Variants in CADM1 observed in about 807,000 individuals in gnomAD.
CADM1 encodes the protein TSLC-1.
Under a neutral mutation model 53.1 loss-of-function variants are expected in CADM1, and 15 were observed. The ratio of observed to expected loss-of-function variants is 0.28; its 90% CI spans 0.19 to 0.44. The LOEUF is 0.44. Ranked by LOEUF, CADM1 falls within the 20% of genes least tolerant of loss-of-function variation. The probability of loss-of-function intolerance (pLI) is 1.00; values close to 1 mark genes in which losing one functional copy is unlikely to be tolerated. For synonymous variants in CADM1, 281 were observed against 243.0 expected (o/e 1.16, Z -1.45); for missense variants, 434 against 611.3 (o/e 0.71, Z 3.06).
chr11:115,283,958 G>A (rs1943652564), intron 1 of CADM1, among the ~76,000 whole-genome samples: 1 of 152,190 alleles, frequency 6.6e-6, no homozygotes, highest in Admixed American at 6.5e-5. Context: ...CAATGGACAA[G>A]TGAAGAAAAG....
At position 115,170,493 on chromosome 11, in the gene CADM1, T is replaced by A. The variant is rs552107191; in HGVS notation, c.*5981A>T. 94 of 151,190 alleles carry A rather than the reference T, an allele frequency of 6.2e-4. No individual in the cohort carries two copies. Among genetic ancestry groups the A allele is most frequent in the African/African-American group, 2.2e-3 (92 of 41,116 alleles). 9.4% of individuals were successfully genotyped at this position (151,190 alleles called of 1,614,324 possible). A position where few individuals can be genotyped will look rare whatever the true frequency, so the allele number is the denominator to read the frequency against. ...AAATGAAACAAAGTTTCCTGTGTAC[T>A]GAAGAGGCTGGAAGCTGAGGTTTGG... On this transcript the variant is annotated 3_prime_UTR_variant, in exon 12 of 12. Transcript: ENST00000331581.
chr11:115,341,508 G>A (rs1224345738), intron 1 of CADM1, among the ~76,000 whole-genome samples: 1 of 152,174 alleles, frequency 6.6e-6, no homozygotes, highest in African/African-American at 2.4e-5. Context: ...AGGAATGTGA[G>A]AACTAGAAAA....
At chr11:115,334,283 A>G (rs934625700) in intron 1 of CADM1, among the ~76,000 whole-genome samples, 13 of 152,134 alleles carry the variant, frequency 8.5e-5, no homozygotes, top group Non-Finnish European at 1.6e-4. Context: ...TAAAGAATTG[A>G]TCACATTTCC....
intron 3 of CADM1, among the ~76,000 whole-genome samples, chr11:115,233,314 C>T (rs2134870158): frequency 6.6e-6 from 1 of 152,134 alleles, no homozygotes; most frequent in South Asian, 2.1e-4. Context: ...AAAAAATAAA[C>T]AAAAAGATAA....
chr11:115,210,047 A>T (rs1234852790), intron 7 of CADM1, among the ~76,000 whole-genome samples: 1 of 152,182 alleles, frequency 6.6e-6, no homozygotes, highest in Non-Finnish European at 1.5e-5. Flanking sequence ...GAGGAGGAGG[A>T]GGTGGTGCTG....
chr11:115,413,960 CATT>C (rs1227656707), intron 1 of CADM1, among the ~76,000 whole-genome samples: 4 of 152,004 alleles, frequency 2.6e-5, no homozygotes, highest in African/African-American at 9.6e-5. Flanking sequence ...AGTTCTTAAC[CATT>C]ATGCTAAAAT....
chr11:115,466,600 C>G (rs1022470234), intron 1 of CADM1, among the ~76,000 whole-genome samples: 9 of 152,182 alleles, frequency 5.9e-5, no homozygotes, highest in African/African-American at 2.2e-4. Context: ...TAACATGTTG[C>G]ACCAATATTA....
At chr11:115,358,216 A>G (rs2040136) in intron 1 of CADM1, among the ~76,000 whole-genome samples, 1 of 70,520 alleles carries the variant, frequency 1.4e-5, no homozygotes, top group Non-Finnish European at 4.5e-5. Context: ...TCTCTCACTC[A>G]TTGTCATTTA....
intron 1 of CADM1, among the ~76,000 whole-genome samples, chr11:115,475,064 T>TG (rs1446252223): frequency 6.6e-6 from 1 of 152,140 alleles, no homozygotes; most frequent in East Asian, 1.9e-4. Context: ...CATGAGAGAC[T>TG]GGGTCCAGGA....
intron 1 of CADM1, among the ~76,000 whole-genome samples, chr11:115,481,493 T>C (rs1194932270): frequency 1.3e-5 from 2 of 152,196 alleles, no homozygotes; most frequent in African/African-American, 4.8e-5. Context: ...TTAGCTTCTC[T>C]TCCTCTTCCA....
In CADM1 at chr11:115,260,053, A is replaced by G. The variant is rs552075975; in HGVS notation, c.125-19633T>C. 3.9e-5 allele frequency among the ~76,000 whole-genome samples: 6 copies of G among 152,272 alleles called. No individual in the cohort carries two copies. In the South Asian group the frequency reaches 8.3e-4, roughly 21 times the overall value. ...GCAATCCTCCTGCCTCAGCCTCCTG[A>G]GTAGCTGGGACTATAGGCACATGCC... On this transcript the variant is annotated intron_variant, in intron 1 of 11. Coordinates refer to ENST00000331581, the MANE Select transcript of CADM1 (RefSeq NM_001301043.2).
chr11:115,372,927 T>G (rs1591757182), intron 1 of CADM1, among the ~76,000 whole-genome samples: 1 of 152,232 alleles, frequency 6.6e-6, no homozygotes, highest in African/African-American at 2.4e-5. Flanking sequence ...GGCTTGTGAA[T>G]TCAGGTATGC....
At chr11:115,321,812 T>C (rs1216773800) in intron 1 of CADM1, among the ~76,000 whole-genome samples, 1 of 152,104 alleles carries the variant, frequency 6.6e-6, no homozygotes, top group African/African-American at 2.4e-5. Context: ...AGGGTTAGAG[T>C]GCTGCTTGAG....
At chr11:115,351,614 G>A (rs983163726) in intron 1 of CADM1, among the ~76,000 whole-genome samples, 1 of 152,172 alleles carries the variant, frequency 6.6e-6, no homozygotes, top group Non-Finnish European at 1.5e-5. Flanking sequence ...ACAAAATACA[G>A]AACTCTGGCC....
At chr11:115,502,792 G>T (rs1213372726) in intron 1 of CADM1, among the ~76,000 whole-genome samples, 1 of 152,076 alleles carries the variant, frequency 6.6e-6, no homozygotes, top group African/African-American at 2.4e-5. Context: ...CTCCTACAGC[G>T]TGTCTCCTGC....
chr11:115,481,126 C>T (rs1949249433), intron 1 of CADM1, among the ~76,000 whole-genome samples: 1 of 152,138 alleles, frequency 6.6e-6, no homozygotes, highest in Non-Finnish European at 1.5e-5. Flanking sequence ...TCCCCTTCTC[C>T]CTCACCCTAC....
At chr11:115,396,813 T>C (rs1461236118) in intron 1 of CADM1, 1 of 151,984 alleles carries the variant, frequency 6.6e-6, no homozygotes, top group African/African-American at 2.4e-5. Context: ...TACTAAACAT[T>C]ACTGGCCAAG....
At chr11:115,466,679 A>T (rs923739571) in intron 1 of CADM1, among the ~76,000 whole-genome samples, 1 of 152,154 alleles carries the variant, frequency 6.6e-6, no homozygotes, top group African/African-American at 2.4e-5. Flanking sequence ...TAAATGAAAC[A>T]CTCTTCAAAA....
At chr11:115,328,286 T>C (rs1391302926) in intron 1 of CADM1, among the ~76,000 whole-genome samples, 1 of 152,132 alleles carries the variant, frequency 6.6e-6, no homozygotes, top group Admixed American at 6.6e-5. Flanking sequence ...CCATGTTCAT[T>C]ACTGCATGCT....
Sources: allele counts gnomAD v4.1 joint callset (sites outside exome capture counted in the v4.1 genomes callset), GRCh38; gene constraint gnomAD v4.1.1; transcripts MANE v1.5; gene names NCBI Gene and HGNC (gene_info 2026-07-23, HGNC 2026-07-21).